Variants in PI4KB observed in about 807,000 individuals in gnomAD.
PI4KB encodes the protein phosphatidylinositol 4-kinase beta.
A neutral mutation model predicts 81.4 loss-of-function variants in PI4KB; 23 were observed. The ratio of observed to expected loss-of-function variants is 0.28; its 90% CI spans 0.20 to 0.40. The LOEUF is 0.40. PI4KB is among the 10% of genes least tolerant of loss of function. The pLI is 1.00. For missense variants in PI4KB, 651 were observed against 1,036.6 expected, an observed-to-expected ratio of 0.63 and a Z score of 5.11; for synonymous variants, 381 against 406.8, an observed-to-expected ratio of 0.94 and a Z score of 0.76.
intron 11 of PI4KB, 95 bp from the exon 12 acceptor site, chr1:151,293,128 CT>C (rs1454905105): frequency 3.9e-6 from 6 of 1,539,542 alleles, no homozygotes; most frequent in Non-Finnish European, 5.2e-6. Context: ...CTGAAGTGCC[CT>C]TTTCCTCCCA....
At position 151,301,979 on chromosome 1, in the gene PI4KB, GAAGTA is replaced by G; in HGVS notation, c.1626-17_1626-13del. 1 of 1,613,282 alleles carries G rather than the reference GAAGTA, an allele frequency of 6.2e-7. No homozygotes were observed. The highest frequency in any genetic ancestry group is 8.5e-7 in the Non-Finnish European group (1 of 1,180,014). ...CCTCTCTGATCCGCCTGTGAAGACAGAAGTAAAGGGTGTCAAAGGTTGATGCCAGG... is the reference window on the plus strand; with the variant it reads ...CCTCTCTGATCCGCCTGTGAAGACAGAAGGGTGTCAAAGGTTGATGCCAGG... On this transcript the variant is annotated splice_polypyrimidine_tract_variant and intron_variant, in intron 7 of 11. Transcript: ENST00000368873.
Position 151,294,056 on chromosome 1 carries a change from A to C in PI4KB, c.2231T>G (p.Met744Arg). 6.2e-7 allele frequency: 1 copy of C among 1,614,034 alleles called. No individual in the cohort carries two copies. The highest frequency in any genetic ancestry group is 8.5e-7 in the Non-Finnish European group (1 of 1,179,988). ...LQGLIAARKH[M>R]DKVVQIVEIM... Reference sequence around the variant, plus strand: ...CTCCACGATCTGCACCACCTTGTCCATGTGTTTCCGAGCGGCAATCAGCCC... The same window carrying C: ...CTCCACGATCTGCACCACCTTGTCCCTGTGTTTCCGAGCGGCAATCAGCCC... Residue 744 changes from methionine to arginine, a missense_variant, in exon 11 of 12, where the codon ATG (methionine) becomes AGG (arginine). By Grantham distance (91) the Met-to-Arg change is moderately conservative. This residue lies in a region of PI4KB where 70 missense variants were observed against 108.1 expected (regional missense o/e 0.65). Coordinates refer to ENST00000368873, the MANE Select transcript of PI4KB (RefSeq NM_001369623.2).
intron 1 of PI4KB, chr1:151,326,046 C>T: frequency 1.0e-6 from 1 of 956,930 alleles, no homozygotes; most frequent in South Asian, 1.4e-5. Context: ...CCAACCAAAA[C>T]TATTCTAGTA....
Position 151,324,941 on chromosome 1 carries a change from G to C in PI4KB, c.-29+2330C>G, listed in dbSNP as rs115150572. On this transcript the variant is annotated intron_variant, in intron 1 of 11. Coordinates refer to ENST00000368873, the MANE Select transcript of PI4KB (RefSeq NM_001369623.2). The stretch of plus-strand genomic sequence containing the variant: ...CTCTAAGAAGAAAGCAGGGAAATGA[G>C]AGGAAATATGATTTCTGGTTGGGGA... 3.1e-4 allele frequency: 300 copies of C among 953,260 alleles called. 2 individuals are homozygous for C. The African/African-American group carries it at 4.6e-3, about 15-fold the overall frequency. The allele number at this position is 953,260 out of a possible 1,614,324, so 59.1% of individuals were successfully genotyped here.
chr1:151,293,113 G>C, intron 11 of PI4KB, 80 bp from the exon 12 acceptor site: 1 of 1,556,156 alleles, frequency 6.4e-7, no homozygotes, highest in Middle Eastern at 1.8e-4. Context: ...ACAGAGCTGG[G>C]GCATCTGAAG....
chr1:151,302,366 G>T, intron 6 of PI4KB, 68 bp from the exon 7 acceptor site: 1 of 1,053,294 alleles, frequency 9.5e-7, no homozygotes, highest in South Asian at 1.3e-5. Context: ...AGTCTATACT[G>T]ACATTTCCTG....
chr1:151,316,551 C>G, intron 1 of PI4KB, 42 bp from the exon 2 acceptor site: 1 of 1,398,102 alleles, frequency 7.2e-7, no homozygotes, highest in Non-Finnish European at 9.6e-7. Context: ...AAGGGAGACA[C>G]ATACACACAT....
At chr1:151,324,136 A>C (rs1649279754) in intron 1 of PI4KB, among the ~76,000 whole-genome samples, 1 of 152,064 alleles carries the variant, frequency 6.6e-6, no homozygotes, top group South Asian at 2.1e-4. Flanking sequence ...TTTTTAGTAG[A>C]GATGGGGTTT....
chr1:151,326,676 G>A (rs184074803), intron 1 of PI4KB, among the ~76,000 whole-genome samples: 47 of 152,330 alleles, frequency 3.1e-4, no homozygotes, highest in Non-Finnish European at 6.2e-4. Context: ...CTTTTGGATT[G>A]ATGACAAGGG....
chr1:151,303,380 C>A, intron 6 of PI4KB, 161 bp downstream of exon 6: 2 of 662,802 alleles, frequency 3.0e-6, no homozygotes, highest in Non-Finnish European at 5.5e-6. Context: ...TCAACCTACA[C>A]CTTCATTGCC....
chr1:151,324,695 T>C (rs1451865884), intron 1 of PI4KB: 3 of 923,060 alleles, frequency 3.3e-6, no homozygotes, highest in Non-Finnish European at 3.9e-6. Flanking sequence ...AAGCCAGCTA[T>C]GGGAGCCGCT....
At chr1:151,324,960 T>G (rs78278355) in intron 1 of PI4KB, 7 of 917,594 alleles carry the variant, frequency 7.6e-6, no homozygotes, top group Non-Finnish European at 9.1e-6. Context: ...TGATTTCTGG[T>G]TGGGGATGCT....
In PI4KB at chr1:151,296,811, T is replaced by C. The variant is rs1694839536; in HGVS notation, c.2015+1997A>G. 3.3e-5 allele frequency among the ~76,000 whole-genome samples: 5 copies of C among 150,558 alleles called. No homozygotes were observed. In the South Asian group the frequency reaches 1.1e-3, roughly 32 times the overall value. The stretch of plus-strand genomic sequence containing the variant: ...TTTTTTTTTTGAGATGGAGTCTCAG[T>C]GTCACCCAGGCTGGTGTGCAGTCGC... On this transcript the variant is annotated intron_variant, in intron 9 of 11. Transcript: ENST00000368873.
chr1:151,307,810 G>A lies in PI4KB; in HGVS notation c.955-9C>T. On this transcript the variant is annotated splice_polypyrimidine_tract_variant and intron_variant, in intron 3 of 11. Coordinates refer to ENST00000368873, the MANE Select transcript of PI4KB (RefSeq NM_001369623.2). ...GGAGCCAGTCGAACAGGCTACAGGG[G>A]TTTGGGGTAAGACAAAAGATGGTGA... The A allele has an allele frequency of 6.2e-7, 1 of 1,601,390 alleles. No individual in the cohort carries two copies. The highest frequency in any genetic ancestry group is 1.7e-4 in the Middle Eastern group (1 of 6,038).
chr1:151,327,493 C>A (rs1649836739), upstream of PI4KB: 2 of 396,426 alleles, frequency 5.0e-6, no homozygotes, highest in African/African-American at 4.1e-5. Flanking sequence ...ACCTCTTCTT[C>A]CTCCCTCAGT....
intron 2 of PI4KB, among the ~76,000 whole-genome samples, chr1:151,314,902 G>A (rs1647681614): frequency 6.6e-6 from 1 of 152,144 alleles, no homozygotes; most frequent in Non-Finnish European, 1.5e-5. Context: ...GCTATCTCAA[G>A]TCTCAGGTCA....
intron 2 of PI4KB, among the ~76,000 whole-genome samples, chr1:151,313,149 T>C (rs1647375484): frequency 1.3e-5 from 2 of 152,192 alleles, no homozygotes. Flanking sequence ...AGAAACCTAG[T>C]GATATTCATG....
chr1:151,324,776 T>G lies in PI4KB; in HGVS notation c.-29+2495A>C, dbSNP rs1320918839. The G allele has an allele frequency of 3.0e-6, 3 of 985,162 alleles. No homozygotes were observed. In the South Asian group the frequency reaches 1.4e-4, roughly 46 times the overall value. The allele number at this position is 985,162 out of a possible 1,614,324, so 61.0% of individuals were successfully genotyped here. The stretch of plus-strand genomic sequence containing the variant: ...CTGAATTGTTCCTCCCTACTGCGAG[T>G]CCCAAATACACTTGGACTGGGTCCC... On this transcript the variant is annotated intron_variant, in intron 1 of 11. Transcript: ENST00000368873.
rs1157456213 is a variant in PI4KB, at chr1:151,293,766, G to T, written c.2269+252C>A. ...GAAGGGACCAGGAGGCTGTAAATGG[G>T]CCTGTTTTCTCCCTAAAGATGCCAA... On this transcript the variant is annotated intron_variant, in intron 11 of 11. Coordinates refer to ENST00000368873, the MANE Select transcript of PI4KB (RefSeq NM_001369623.2). 6.6e-6 allele frequency: 3 copies of T among 455,432 alleles called. No homozygotes were observed. In the South Asian group the frequency reaches 7.7e-5, roughly 12 times the overall value. The allele number at this position is 455,432 out of a possible 1,614,324, so 28.2% of individuals were successfully genotyped here.
Sources: allele counts gnomAD v4.1 joint callset (sites outside exome capture counted in the v4.1 genomes callset), GRCh38; gene constraint gnomAD v4.1.1; regional missense constraint gnomAD v4.1.1; transcripts MANE v1.5; gene names NCBI Gene and HGNC (gene_info 2026-07-23, HGNC 2026-07-21).